CREM: variants seen among roughly 807,000 people sequenced by gnomAD.
The protein encoded by CREM is cAMP-responsive element modulator.
CREM carries 13 observed loss-of-function variants against 37.3 expected under a neutral mutation model. That is an observed-to-expected ratio of 0.35 (90% confidence interval 0.23 to 0.55). The LOEUF is 0.55. Ranked by LOEUF, CREM falls within the 20% of genes least tolerant of loss-of-function variation. CREM has a pLI of 0.88. For synonymous variants in CREM, 124 were observed against 120.2 expected (o/e 1.03, Z -0.21); for missense variants, 296 against 362.3 (o/e 0.82, Z 1.49).
chr10:35,151,415 A>G (rs1241488036), intron 3 of CREM, among the ~76,000 whole-genome samples: 1 of 152,184 alleles, frequency 6.6e-6, no homozygotes, highest in Non-Finnish European at 1.5e-5. Flanking sequence ...GCTGGAATGC[A>G]GTGGTGCAAT....
At chr10:35,145,412 C>G (rs2091961196) in intron 2 of CREM, among the ~76,000 whole-genome samples, 1 of 152,164 alleles carries the variant, frequency 6.6e-6, no homozygotes, top group Non-Finnish European at 1.5e-5. Context: ...ACTCATATGA[C>G]CACATTCTCT....
chr10:35,209,587 T>C (rs953941164), intron 7 of CREM, among the ~76,000 whole-genome samples: 6 of 152,244 alleles, frequency 3.9e-5, no homozygotes, highest in African/African-American at 1.4e-4. Flanking sequence ...TAATAGCTTA[T>C]TAAAGAAAAT....
intron 6 of CREM, among the ~76,000 whole-genome samples, chr10:35,204,605 A>T (rs2095476079): frequency 6.6e-6 from 1 of 152,126 alleles, no homozygotes; most frequent in Non-Finnish European, 1.5e-5. Flanking sequence ...TCAAAAAAAA[A>T]AAAAAAAAAA....
Position 35,188,228 on chromosome 10 carries a change from G to A in CREM, c.438G>A (p.Gln146=), listed in dbSNP as rs530931077. 1 of 1,613,882 alleles carries A rather than the reference G, an allele frequency of 6.2e-7. No homozygotes were observed. Among genetic ancestry groups the A allele is most frequent in the African/African-American group, 1.3e-5 (1 of 75,010 alleles). The change falls in exon 6 of 8, where the codon CAG becomes CAA. Residue 146 remains glutamine, a synonymous_variant. Transcript: ENST00000685392. ...CTATAGCCCAAGGTGGAACAATCCA[G>A]ATTTCTAACCCAGGATCTGATGGTG... The part of the protein sequence containing the change: ...YIAIAQGGTI[Q]ISNPGSDGVQ...
intron 3 of CREM, among the ~76,000 whole-genome samples, chr10:35,160,878 CTG>C (rs2093250385): frequency 6.6e-6 from 1 of 152,190 alleles, no homozygotes; most frequent in East Asian, 1.9e-4. Flanking sequence ...TCAGGATCAT[CTG>C]TATTGCTGTC....
At chr10:35,172,352 T>TG (rs1194247627) in intron 3 of CREM, among the ~76,000 whole-genome samples, 1 of 152,092 alleles carries the variant, frequency 6.6e-6, no homozygotes, top group African/African-American at 2.4e-5. Flanking sequence ...TGCAGAACCC[T>TG]GGGGGTGACT....
At chr10:35,148,252 G>T in intron 2 of CREM, 116 bp from the exon 3 acceptor site, 1 of 1,047,606 alleles carries the variant, frequency 9.5e-7, no homozygotes, top group Non-Finnish European at 1.4e-6. Flanking sequence ...TGCTCAGAAA[G>T]TTTCAGATTT....
intron 5 of CREM, among the ~76,000 whole-genome samples, chr10:35,186,998 TTA>T (rs1388543943): frequency 3.4e-5 from 3 of 88,948 alleles, no homozygotes; most frequent in Non-Finnish European, 5.8e-5. Flanking sequence ...ATATTATATA[TTA>T]TATATAATAT....
chr10:35,196,001 T>G, intron 6 of CREM: 1 of 1,580,150 alleles, frequency 6.3e-7, no homozygotes, highest in Non-Finnish European at 8.7e-7. Context: ...AGCCCTACTT[T>G]AACATTTCTT....
chr10:35,179,309 C>T (rs1227514610), intron 5 of CREM, 33 bp downstream of exon 5: 1 of 1,604,280 alleles, frequency 6.2e-7, no homozygotes, highest in African/African-American at 1.3e-5. Context: ...TGATACAGTG[C>T]TAGCTTTAAG....
chr10:35,190,342 A>T (rs2094856543), intron 6 of CREM, among the ~76,000 whole-genome samples: 1 of 151,988 alleles, frequency 6.6e-6, no homozygotes, highest in Non-Finnish European at 1.5e-5. Context: ...GTGGGAATTC[A>T]TTTTTAACTT....
chr10:35,182,039 T>C (rs1188657871), intron 5 of CREM, among the ~76,000 whole-genome samples: 2 of 152,242 alleles, frequency 1.3e-5, no homozygotes, highest in African/African-American at 4.8e-5. Flanking sequence ...AAAATTGCCA[T>C]TTGTTCACAC....
chr10:35,167,588 C>G, intron 3 of CREM: 1 of 789,790 alleles, frequency 1.3e-6, no homozygotes, highest in Non-Finnish European at 2.1e-6. Flanking sequence ...TGCTGTGTTA[C>G]AACACTGTGA....
At chr10:35,149,482 A>G (rs540298576) in intron 3 of CREM, among the ~76,000 whole-genome samples, 1 of 152,252 alleles carries the variant, frequency 6.6e-6, no homozygotes, top group East Asian at 1.9e-4. Flanking sequence ...TCAGGTGCCC[A>G]CCGTATTTTC....
chr10:35,172,708 C>T (rs1159628733), intron 3 of CREM, among the ~76,000 whole-genome samples: 1 of 144,968 alleles, frequency 6.9e-6, no homozygotes. Flanking sequence ...CTGCAGAAAG[C>T]ACCCCCCCGC....
chr10:35,207,113 C>A, intron 7 of CREM, 62 bp downstream of exon 7: 3 of 1,549,990 alleles, frequency 1.9e-6, no homozygotes, highest in South Asian at 1.2e-5. Context: ...ACAGTTTTCA[C>A]CGGGCGCAGT....
At chr10:35,191,883 T>C (rs1391085259) in intron 6 of CREM, among the ~76,000 whole-genome samples, 1 of 152,200 alleles carries the variant, frequency 6.6e-6, no homozygotes, top group Non-Finnish European at 1.5e-5. Context: ...TGGCCACACA[T>C]ACCTCTGACT....
chr10:35,174,899 G>C (rs955074722), intron 3 of CREM, among the ~76,000 whole-genome samples: 8 of 152,290 alleles, frequency 5.3e-5, no homozygotes, highest in Admixed American at 5.2e-4. Context: ...CCAAAGTTAA[G>C]TGATAGTTCT....
chr10:35,152,714 T>C (rs535327375), intron 3 of CREM, among the ~76,000 whole-genome samples: 4 of 152,298 alleles, frequency 2.6e-5, no homozygotes, highest in South Asian at 2.1e-4. Context: ...GGAGAGTCCA[T>C]TTTAAATAAC....
Sources: gnomAD v4.1 joint callset for allele counts (sites outside exome capture counted in the v4.1 genomes callset) on GRCh38, gnomAD v4.1.1 for gene constraint, MANE v1.5 for transcripts, NCBI Gene and HGNC (gene_info 2026-07-23, HGNC 2026-07-21) for gene names.